Variants in LEPR observed in about 807,000 individuals in gnomAD.
The protein encoded by LEPR is leptin receptor.
In LEPR, 56 loss-of-function variants were observed where a neutral mutation model predicts 114.7. The observed-to-expected ratio is 0.49, with a 90% CI of 0.39 to 0.61. The LOEUF (loss-of-function observed/expected upper bound fraction) is 0.61, where lower values mean the gene tolerates loss of function less well. LEPR is among the 20% of genes least tolerant of loss of function. LEPR has a pLI of 0.00. For missense variants in LEPR, 1,202 were observed against 1,352.9 expected (o/e 0.89, Z 1.75); for synonymous variants, 443 against 461.4 (o/e 0.96, Z 0.51).
intron 1 of LEPR, chr1:65,421,597 A>C: frequency 4.2e-6 from 4 of 941,428 alleles, no homozygotes; most frequent in Non-Finnish European, 4.8e-6. Context: ...GATAGTATAT[A>C]TACGAGTACG....
chr1:65,480,513 C>A (rs950019621), intron 2 of LEPR, among the ~76,000 whole-genome samples: 1 of 152,044 alleles, frequency 6.6e-6, no homozygotes, highest in Non-Finnish European at 1.5e-5. Context: ...GCCAGTTAAC[C>A]CTTGCAGTAA....
intron 2 of LEPR, among the ~76,000 whole-genome samples, chr1:65,474,808 C>T (rs182766210): frequency 1.3e-5 from 2 of 151,880 alleles, no homozygotes; most frequent in East Asian, 1.9e-4. Flanking sequence ...GAGTTTGAGA[C>T]CAGCCTGACC....
intron 5 of LEPR, among the ~76,000 whole-genome samples, chr1:65,584,491 G>A (rs1276771229): frequency 2.6e-5 from 4 of 152,046 alleles, no homozygotes; most frequent in Middle Eastern, 3.2e-3. Context: ...TGCACAGTCC[G>A]TTCTAAACTT....
At chr1:65,636,046 A>T in intron 19 of LEPR, 145 bp from the exon 20 acceptor site, 1 of 870,920 alleles carries the variant, frequency 1.1e-6, no homozygotes. Context: ...TTTTTGATAT[A>T]TGTATTTTAG....
intron 10 of LEPR, among the ~76,000 whole-genome samples, chr1:65,603,993 A>T (rs1009108007): frequency 6.6e-6 from 1 of 152,166 alleles, no homozygotes; most frequent in Non-Finnish European, 1.5e-5. Flanking sequence ...ATTTGTGGTG[A>T]AATTTAATTC....
At chr1:65,464,529 G>T (rs1162713583) in intron 2 of LEPR, among the ~76,000 whole-genome samples, 1 of 152,144 alleles carries the variant, frequency 6.6e-6, no homozygotes, top group East Asian at 1.9e-4. Flanking sequence ...TCAGGATAAT[G>T]CTAGCCTCAT....
At chr1:65,438,046 ATCT>A (rs1646589227) in intron 2 of LEPR, among the ~76,000 whole-genome samples, 1 of 147,906 alleles carries the variant, frequency 6.8e-6, no homozygotes, top group South Asian at 2.1e-4. Flanking sequence ...GCCTCAAGCA[ATCT>A]TCTTGCCTGT....
intron 3 of LEPR, among the ~76,000 whole-genome samples, chr1:65,569,829 G>A (rs1654033837): frequency 6.6e-6 from 1 of 151,692 alleles, no homozygotes; most frequent in Non-Finnish European, 1.5e-5. Context: ...TCAGCAGTGG[G>A]CATTTCCCAT....
intron 10 of LEPR, among the ~76,000 whole-genome samples, chr1:65,604,672 T>C (rs1195620132): frequency 1.3e-5 from 2 of 152,212 alleles, no homozygotes; most frequent in African/African-American, 2.4e-5. Context: ...GACCGGTACC[T>C]GTCTGTGGCC....
In LEPR at chr1:65,629,677, CTCTT is replaced by C. The variant is rs148090312; in HGVS notation, c.2674-6504_2674-6501del. Among the ~76,000 whole-genome samples the C allele has an allele frequency of 8.5e-3, 1,295 of 151,800 alleles. 29 individuals carry two copies. The highest frequency in any genetic ancestry group is 0.03 in the African/African-American group (1,231 of 41,352). On this transcript the variant is annotated intron_variant, in intron 19 of 19. Transcript: ENST00000349533. ...TCCATTCATCCCTCTCTCCCTCCCT[CTCTT>C]TCTTTCTTTTCATGCTGTCTTTCTT...
At chr1:65,426,783 G>A (rs1388920137) in intron 2 of LEPR, among the ~76,000 whole-genome samples, 7 of 152,132 alleles carry the variant, frequency 4.6e-5, no homozygotes, top group Admixed American at 4.6e-4. Context: ...CAGATCACGA[G>A]GTCAAGAGAT....
chr1:65,439,866 G>A (rs1339028887), intron 2 of LEPR, among the ~76,000 whole-genome samples: 1 of 148,076 alleles, frequency 6.8e-6, no homozygotes, highest in Admixed American at 6.7e-5. Flanking sequence ...GCAGTGGCGT[G>A]TGCCTGTAAT....
chr1:65,634,588 G>A, intron 19 of LEPR: 1 of 944,448 alleles, frequency 1.1e-6, no homozygotes, highest in Non-Finnish European at 1.3e-6. Flanking sequence ...TGAATGCATT[G>A]GAAGGCATTT....
chr1:65,486,356 T>C (rs1298573277), intron 2 of LEPR: 2 of 152,186 alleles, frequency 1.3e-5, no homozygotes, highest in Non-Finnish European at 2.9e-5. Flanking sequence ...AATTTCTTGA[T>C]GAATGACTAA....
intron 5 of LEPR, among the ~76,000 whole-genome samples, chr1:65,581,622 G>A (rs571326021): frequency 6.6e-6 from 1 of 152,074 alleles, no homozygotes; most frequent in Admixed American, 6.5e-5. Context: ...TCTTTTCTCT[G>A]TCTTCTCTTT....
chr1:65,474,572 A>C (rs1310425467), intron 2 of LEPR, among the ~76,000 whole-genome samples: 1 of 152,202 alleles, frequency 6.6e-6, no homozygotes, highest in Non-Finnish European at 1.5e-5. Flanking sequence ...TGCATTTATC[A>C]TGTGCTTTAC....
intron 2 of LEPR, among the ~76,000 whole-genome samples, chr1:65,458,389 A>G (rs964623115): frequency 5.9e-5 from 9 of 152,086 alleles, no homozygotes; most frequent in Non-Finnish European, 1.3e-4. Context: ...AAGTCCCTCA[A>G]TTTTCATTTG....
chr1:65,462,648 C>T (rs776810122), intron 2 of LEPR, among the ~76,000 whole-genome samples: 5 of 152,242 alleles, frequency 3.3e-5, no homozygotes, highest in Non-Finnish European at 7.3e-5. Flanking sequence ...TCTCCACATC[C>T]TTCCAGCATC....
chr1:65,633,336 A>G lies in LEPR; in HGVS notation c.2674-2855A>G, dbSNP rs2101041946. On this transcript the variant is annotated intron_variant, in intron 19 of 19. Transcript: ENST00000349533. The surrounding 1 kb of genome is among the most constrained non-coding windows in gnomAD (Gnocchi z 4.1). ...GGATTATGTTGATTTAGAACTTAAAATAGATGTGTAAATTTGGGTTCAAAA... is the reference window on the plus strand; with the variant it reads ...GGATTATGTTGATTTAGAACTTAAAGTAGATGTGTAAATTTGGGTTCAAAA... The G allele has an allele frequency of 1.5e-6, 2 of 1,355,996 alleles. No individual in the cohort carries two copies. Among genetic ancestry groups the G allele is most frequent in the Non-Finnish European group, 1.9e-6 (2 of 1,054,576 alleles). 84.0% of individuals were successfully genotyped at this position (1,355,996 alleles called of 1,614,324 possible).
Sources: gnomAD v4.1 joint callset for allele counts (sites outside exome capture counted in the v4.1 genomes callset) on GRCh38, gnomAD v4.1.1 for gene constraint, Gnocchi (gnomAD v3.1) non-coding constraint, MANE v1.5 for transcripts, NCBI Gene and HGNC (gene_info 2026-07-23, HGNC 2026-07-21) for gene names.